Variants in NFIB observed in about 807,000 individuals in gnomAD.
The protein encoded by NFIB is nuclear factor I B, also known as nuclear factor 1 B-type.
In NFIB, 11 loss-of-function variants were observed where a neutral mutation model predicts 61.5. That is an observed-to-expected ratio of 0.18 (90% CI 0.11 to 0.30). NFIB has a LOEUF of 0.30. NFIB is among the 10% of genes least tolerant of loss of function. The pLI is 1.00. For missense variants in NFIB, 471 were observed against 608.9 expected, an observed-to-expected ratio of 0.77 and a Z score of 2.38; for synonymous variants, 260 against 216.5, an observed-to-expected ratio of 1.20 and a Z score of -1.76.
intron 2 of NFIB, among the ~76,000 whole-genome samples, chr9:14,248,105 G>A (rs2055144630): frequency 6.7e-6 from 1 of 149,762 alleles, no homozygotes; most frequent in Admixed American, 6.6e-5. Flanking sequence ...GCTAACTTTT[G>A]AATTTTTTTG....
At chr9:14,508,668 T>C in the NFIB span, among the ~76,000 whole-genome samples, 1 of 152,220 alleles carries the variant, frequency 6.6e-6, no homozygotes, top group African/African-American at 2.4e-5. Flanking sequence ...TGGGATGTGG[T>C]GCTTGGCCTC....
At chr9:14,504,669 G>A in the NFIB span, among the ~76,000 whole-genome samples, 1 of 152,264 alleles carries the variant, frequency 6.6e-6, no homozygotes, top group Admixed American at 6.5e-5. Flanking sequence ...ACTGATTTGT[G>A]TACATTAATT....
intron 10 of NFIB, among the ~76,000 whole-genome samples, chr9:14,092,343 T>A (rs938491317): frequency 2.0e-5 from 3 of 152,020 alleles, no homozygotes; most frequent in Non-Finnish European, 4.4e-5. Flanking sequence ...CATGGTACCA[T>A]CTTTGGTGTT....
At chr9:14,259,542 T>C (rs2056548139) in intron 2 of NFIB, among the ~76,000 whole-genome samples, 1 of 152,134 alleles carries the variant, frequency 6.6e-6, no homozygotes, top group Non-Finnish European at 1.5e-5. Flanking sequence ...CCATGGGGCT[T>C]AGACTCTGGA....
chr9:14,097,369 T>C (rs1205881638), intron 10 of NFIB, among the ~76,000 whole-genome samples: 4 of 152,090 alleles, frequency 2.6e-5, no homozygotes, highest in Admixed American at 6.5e-5. Flanking sequence ...GAACACACTT[T>C]AGAGCTGACA....
In NFIB at chr9:14,395,421, T is replaced by C. The variant is rs2061673140; in HGVS notation, c.108+3103A>G. Among the ~76,000 whole-genome samples, 7 of 151,778 alleles carry C rather than the reference T, an allele frequency of 4.6e-5. No homozygotes were observed. The South Asian group carries it at 1.5e-3, about 32-fold the overall frequency. On this transcript the variant is annotated intron_variant, in intron 1 of 8. Coordinates refer to the NFIB transcript ENST00000380934. ...GATTGGGGGTTGGGGAGAAGGGCAG[T>C]AGTGTCCCAATACCAGCTCTGAGAG...
At chr9:14,261,438 T>C (rs2056743461) in intron 2 of NFIB, among the ~76,000 whole-genome samples, 1 of 152,222 alleles carries the variant, frequency 6.6e-6, no homozygotes, top group African/African-American at 2.4e-5. Context: ...TTTCAGCCCG[T>C]AATAAGGCAG....
chr9:14,204,132 T>G, intron 2 of NFIB: 1 of 436,938 alleles, frequency 2.3e-6, no homozygotes, highest in Non-Finnish European at 4.0e-6. Context: ...ACAGGCTATG[T>G]TTGTCTTACA....
chr9:14,464,231 C>G, the NFIB span, among the ~76,000 whole-genome samples: 3 of 152,192 alleles, frequency 2.0e-5, no homozygotes, highest in Non-Finnish European at 4.4e-5. Flanking sequence ...TTTCCACTAT[C>G]TCATTTATGT....
chr9:14,156,128 G>A (rs996105262), intron 3 of NFIB, among the ~76,000 whole-genome samples: 2 of 152,118 alleles, frequency 1.3e-5, no homozygotes, highest in African/African-American at 4.8e-5. Flanking sequence ...CTTTCTAAAA[G>A]TACAGGTTTA....
At chr9:14,246,784 A>G (rs1285534485) in intron 2 of NFIB, among the ~76,000 whole-genome samples, 1 of 152,182 alleles carries the variant, frequency 6.6e-6, no homozygotes, top group Non-Finnish European at 1.5e-5. Context: ...CACTAATATC[A>G]CCCTGCTATT....
At chr9:14,369,436 G>A (rs754555197) in intron 1 of NFIB, among the ~76,000 whole-genome samples, 62 of 152,204 alleles carry the variant, frequency 4.1e-4, no homozygotes, top group Admixed American at 9.2e-4. Context: ...CCATCTCATA[G>A]CCAACAGTTC....
the NFIB span, among the ~76,000 whole-genome samples, chr9:14,468,731 G>C: frequency 5.3e-5 from 8 of 152,196 alleles, no homozygotes; most frequent in African/African-American, 1.9e-4. Context: ...CACTTGTGAG[G>C]CATTTTGAAT....
chr9:14,188,671 T>C (rs1200716910), intron 2 of NFIB, among the ~76,000 whole-genome samples: 1 of 152,246 alleles, frequency 6.6e-6, no homozygotes, highest in African/African-American at 2.4e-5. Flanking sequence ...AGGAACAATT[T>C]GCCAACGCAG....
At chr9:14,187,699 T>C (rs2047533197) in intron 2 of NFIB, among the ~76,000 whole-genome samples, 3 of 152,118 alleles carry the variant, frequency 2.0e-5, no homozygotes, top group Non-Finnish European at 4.4e-5. Flanking sequence ...AAAATAAGGA[T>C]TTGTTAGCGC....
chr9:14,131,166 T>G (rs1369584668), intron 6 of NFIB, among the ~76,000 whole-genome samples: 1 of 152,236 alleles, frequency 6.6e-6, no homozygotes, highest in Non-Finnish European at 1.5e-5. Flanking sequence ...CACCCATGTT[T>G]ACATTTATAA....
At chr9:14,209,912 G>A (rs2050140299) in intron 2 of NFIB, among the ~76,000 whole-genome samples, 1 of 151,776 alleles carries the variant, frequency 6.6e-6, no homozygotes, top group Admixed American at 6.6e-5. Context: ...AAAAAACCTG[G>A]TTGCTTAGGC....
At chr9:14,322,190 CAA>C in intron 1 of NFIB, 1 of 1,093,834 alleles carries the variant, frequency 9.1e-7, no homozygotes, top group Non-Finnish European at 1.2e-6. Flanking sequence ...CGGTCAAAGT[CAA>C]GTCTAAAAGC....
intron 2 of NFIB, among the ~76,000 whole-genome samples, chr9:14,211,812 A>AT (rs1287528865): frequency 6.6e-6 from 1 of 152,226 alleles, no homozygotes; most frequent in Non-Finnish European, 1.5e-5. Context: ...ATTAAAAGTG[A>AT]TTTGAGTTGT....
Sources: allele counts gnomAD v4.1 joint callset (sites outside exome capture counted in the v4.1 genomes callset), GRCh38; gene constraint gnomAD v4.1.1; transcripts MANE v1.5; gene names NCBI Gene and HGNC (gene_info 2026-07-23, HGNC 2026-07-21).